Variants in PPFIA2 observed in about 807,000 individuals in gnomAD.
PPFIA2 encodes the protein PPFI scaffold protein A2, also known as liprin-alpha-2.
PPFIA2 carries 46 observed loss-of-function variants against 175.5 expected under a neutral mutation model. The observed-to-expected ratio is 0.26, with a 90% CI of 0.21 to 0.34. The LOEUF (loss-of-function observed/expected upper bound fraction) is 0.34, where lower values mean the gene tolerates loss of function less well. PPFIA2 is among the 10% of genes least tolerant of loss of function. The probability of loss-of-function intolerance (pLI) is 1.00; values close to 1 mark genes in which losing one functional copy is unlikely to be tolerated. For missense variants in PPFIA2, 1,179 were observed against 1,506.1 expected (o/e 0.78, Z 3.60); for synonymous variants, 568 against 511.4 (o/e 1.11, Z -1.49).
intron 4 of PPFIA2, among the ~76,000 whole-genome samples, chr12:81,607,760 T>C (rs973406626): frequency 6.6e-6 from 1 of 152,120 alleles, no homozygotes; most frequent in Middle Eastern, 3.4e-3. Flanking sequence ...ATTTTGACTT[T>C]TTTTCATATT....
At chr12:81,537,011 T>G (rs1235555980) in intron 4 of PPFIA2, among the ~76,000 whole-genome samples, 1 of 151,440 alleles carries the variant, frequency 6.6e-6, no homozygotes, top group Non-Finnish European at 1.5e-5. Context: ...ATTGATTTAT[T>G]AAGTATATAC....
At chr12:81,309,491 CTTGAT>C (rs1433702833) in intron 22 of PPFIA2, among the ~76,000 whole-genome samples, 2 of 152,008 alleles carry the variant, frequency 1.3e-5, no homozygotes, top group African/African-American at 2.4e-5. Flanking sequence ...TTAAATTTGA[CTTGAT>C]TTGAAAGCAA....
intron 7 of PPFIA2, among the ~76,000 whole-genome samples, chr12:81,421,190 A>G (rs2046181096): frequency 6.6e-6 from 1 of 152,166 alleles, no homozygotes; most frequent in South Asian, 2.1e-4. Flanking sequence ...AATTTTAACA[A>G]AAACATGCTG....
intron 7 of PPFIA2, chr12:81,430,508 A>C (rs554090443): frequency 2.0e-5 from 3 of 147,772 alleles, no homozygotes; most frequent in East Asian, 4.0e-4. Context: ...GAACACCTCC[A>C]ATCTTTATGC....
chr12:81,729,369 T>G (rs2080533190), intron 3 of PPFIA2, among the ~76,000 whole-genome samples: 1 of 151,648 alleles, frequency 6.6e-6, no homozygotes, highest in Admixed American at 6.6e-5. Context: ...TGGATACTTT[T>G]GAAATGCATC....
At chr12:81,433,044 AACCC>A (rs2048373736) in intron 7 of PPFIA2, among the ~76,000 whole-genome samples, 1 of 152,002 alleles carries the variant, frequency 6.6e-6, no homozygotes. Context: ...AACAGAAAAA[AACCC>A]ATAATATTAC....
Position 81,753,998 on chromosome 12 carries a change from C to T in PPFIA2, c.224G>A (p.Arg75Lys). ...DVIYDRDSLQ[R>K]QLNSALPQDI... is the part of the protein sequence containing the mutation. ...CTGTGGCAGGGCTGAATTGAGCTGT[C>T]TCTGGAGTGAGTCTCGGTCATAGAT... The change falls in exon 3 of 33, where the codon AGA becomes AAA. Residue 75 changes from arginine (R) to lysine (K), a missense_variant. By Grantham distance (26) the Arg-to-Lys change is conservative (BLOSUM62 2). Transcript: ENST00000549396. 6.2e-7 allele frequency: 1 copy of T among 1,613,814 alleles called. No homozygotes were observed. Among genetic ancestry groups the T allele is most frequent in the South Asian group, 1.1e-5 (1 of 91,000 alleles).
chr12:81,667,178 C>T (rs893188655), intron 4 of PPFIA2, among the ~76,000 whole-genome samples: 2 of 152,028 alleles, frequency 1.3e-5, no homozygotes, highest in African/African-American at 4.8e-5. Flanking sequence ...TTCTCTTTTA[C>T]CTACTTTCCA....
At chr12:81,420,738 T>G (rs897911082) in intron 7 of PPFIA2, among the ~76,000 whole-genome samples, 4 of 151,384 alleles carry the variant, frequency 2.6e-5, no homozygotes, top group Middle Eastern at 3.4e-3. Flanking sequence ...AGAAAGAAAT[T>G]GATAGAAAGC....
intron 7 of PPFIA2, among the ~76,000 whole-genome samples, chr12:81,431,837 C>G (rs1250348320): frequency 1.3e-5 from 2 of 152,156 alleles, no homozygotes; most frequent in African/African-American, 4.8e-5. Flanking sequence ...GTCTGCAGGA[C>G]AAAGCCCAAC....
At chr12:81,300,173 A>G (rs2047466130) in intron 22 of PPFIA2, among the ~76,000 whole-genome samples, 1 of 152,196 alleles carries the variant, frequency 6.6e-6, no homozygotes, top group African/African-American at 2.4e-5. Context: ...TACAAAGCCA[A>G]TTTGAGATCA....
chr12:81,367,933 C>T (rs896697499), intron 13 of PPFIA2, among the ~76,000 whole-genome samples: 6 of 151,694 alleles, frequency 4.0e-5, no homozygotes, highest in African/African-American at 1.5e-4. Flanking sequence ...GAGAGGAAGT[C>T]ATGTCTTATT....
chr12:81,454,682 A>G (rs2053262892), intron 5 of PPFIA2, among the ~76,000 whole-genome samples: 1 of 152,134 alleles, frequency 6.6e-6, no homozygotes, highest in South Asian at 2.1e-4. Context: ...AATTAATACA[A>G]ATGACCCCAT....
At chr12:81,611,271 G>C (rs548680478) in intron 4 of PPFIA2, among the ~76,000 whole-genome samples, 1 of 152,234 alleles carries the variant, frequency 6.6e-6, no homozygotes, top group Admixed American at 6.5e-5. Context: ...TTATGAACCA[G>C]CTCTTCAGAG....
intron 24 of PPFIA2, among the ~76,000 whole-genome samples, chr12:81,291,515 G>T (rs1373448477): frequency 6.6e-6 from 1 of 151,850 alleles, no homozygotes; most frequent in Non-Finnish European, 1.5e-5. Context: ...GAAATATGTG[G>T]GTAGAGTGAT....
intron 4 of PPFIA2, among the ~76,000 whole-genome samples, chr12:81,623,029 T>C (rs916029493): frequency 6.6e-6 from 1 of 152,146 alleles, no homozygotes; most frequent in African/African-American, 2.4e-5. Context: ...TTACATGTTT[T>C]TGGTTTTGCT....
chr12:81,610,499 C>G (rs1002518780), intron 4 of PPFIA2, among the ~76,000 whole-genome samples: 2 of 152,086 alleles, frequency 1.3e-5, no homozygotes, highest in Non-Finnish European at 2.9e-5. Context: ...GAGATTCTTT[C>G]CTCAGCTTGG....
rs549662479 is a variant in PPFIA2, at chr12:81,748,672, C to A, written c.249+5301G>T. ...ATAAAGTTAGTCCAGCCAAGATCAG[C>A]CAATTCAAGATCAGCTGAATCCCAC... On this transcript the variant is annotated intron_variant, in intron 3 of 32. Transcript: ENST00000549396. Among the ~76,000 whole-genome samples, 12 of 144,774 alleles carry A rather than the reference C, an allele frequency of 8.3e-5. 1 individual carries two copies. The highest frequency in any genetic ancestry group is 2.9e-4 in the African/African-American group (12 of 41,240). The allele number at this position is 144,774 out of a possible 152,430, so 95.0% of individuals were successfully genotyped here. A position where few individuals can be genotyped will look rare whatever the true frequency, so the allele number is the denominator to read the frequency against.
At chr12:81,563,161 T>C (rs2070553384) in intron 4 of PPFIA2, among the ~76,000 whole-genome samples, 1 of 152,162 alleles carries the variant, frequency 6.6e-6, no homozygotes, top group Non-Finnish European at 1.5e-5. Flanking sequence ...CCTGCCCAAG[T>C]ATATCAGTTT....
Sources: gnomAD v4.1 joint callset for allele counts (sites outside exome capture counted in the v4.1 genomes callset) on GRCh38, gnomAD v4.1.1 for gene constraint, MANE v1.5 for transcripts, NCBI Gene and HGNC (gene_info 2026-07-23, HGNC 2026-07-21) for gene names.